The following MYT1 variants were observed in gnomAD, a reference collection of about 807,000 sequenced individuals.
The protein encoded by MYT1 is myelin transcription factor I.
MYT1 carries 23 observed loss-of-function variants against 123.0 expected under a neutral mutation model. The ratio of observed to expected loss-of-function variants is 0.19; its 90% CI spans 0.13 to 0.26. MYT1 has a LOEUF of 0.26. Ranked by LOEUF, MYT1 falls within the 10% of genes least tolerant of loss-of-function variation. The pLI, the probability that MYT1 is intolerant of heterozygous loss-of-function variation, is 1.00. For missense variants in MYT1, 1,125 were observed against 1,472.5 expected, an observed-to-expected ratio of 0.76 and a Z score of 3.86; for synonymous variants, 518 against 575.3, an observed-to-expected ratio of 0.90 and a Z score of 1.43.
At position 64,241,502 on chromosome 20, in the gene MYT1, G is replaced by A. The variant is rs975124154; in HGVS notation, c.*1054G>A. 2.0e-5 allele frequency: 3 copies of A among 152,488 alleles called. No homozygotes were observed. In the East Asian group the frequency reaches 5.8e-4, roughly 29 times the overall value. The allele number at this position is 152,488 out of a possible 1,614,324, so 9.4% of individuals were successfully genotyped here. ...GTTAGTATTTAAAAATAGAGAAATT[G>A]CACTTCCTGGAAAAAATTAAAAAGT... On this transcript the variant is annotated 3_prime_UTR_variant, in exon 23 of 23. Transcript: ENST00000328439. This position sits in a 1 kb window ranked among gnomAD's most constrained non-coding sequence, Gnocchi z 4.2.
At chr20:64,230,259 T>G (rs937290167) in intron 18 of MYT1, among the ~76,000 whole-genome samples, 4 of 152,180 alleles carry the variant, frequency 2.6e-5, no homozygotes, top group Non-Finnish European at 5.9e-5. Context: ...ATGCCTGTAA[T>G]CCCAGCACTT....
intron 17 of MYT1, 59 bp from the exon 18 acceptor site, chr20:64,227,829 G>A (rs1485901660): frequency 1.1e-5 from 14 of 1,302,624 alleles, no homozygotes; most frequent in Middle Eastern, 2.1e-4. Flanking sequence ...TGAGATGAAC[G>A]GGTGTGAGAA....
At position 64,219,895 on chromosome 20, in the gene MYT1, G is replaced by GTCCAGCCAGGCC. The variant is rs1283070999; in HGVS notation, c.2158_2169dup (p.Ser720_Ser723dup). ...CCAGCAGCTCCATGACCTCTCCCCAGTCCAGCCAGGCCTCCCGCCAGGACG... is the reference window on the plus strand; with the variant it reads ...CCAGCAGCTCCATGACCTCTCCCCAGTCCAGCCAGGCCTCCAGCCAGGCCTCCCGCCAGGACG... On this transcript the variant is annotated inframe_insertion, in exon 13 of 23. Transcript: ENST00000328439. 6.3e-7 allele frequency: 1 copy of GTCCAGCCAGGCC among 1,575,690 alleles called. No homozygotes were observed. The highest frequency in any genetic ancestry group is 8.6e-7 in the Non-Finnish European group (1 of 1,161,096).
At chr20:64,228,078 G>A (rs1601722736) in intron 18 of MYT1, 107 bp downstream of exon 18, 1 of 1,094,232 alleles carries the variant, frequency 9.1e-7, no homozygotes, top group South Asian at 1.4e-5. Flanking sequence ...TTAATACAAC[G>A]GGTCACCTAA....
Position 64,232,064 on chromosome 20 carries a change from G to T in MYT1, c.2676-100G>T. 7 of 1,226,730 alleles carry T rather than the reference G, an allele frequency of 5.7e-6. No homozygotes were observed. Among genetic ancestry groups the T allele is most frequent in the Non-Finnish European group, 8.1e-6 (7 of 859,850 alleles). The allele number at this position is 1,226,730 out of a possible 1,614,324, so 76.0% of individuals were successfully genotyped here. A position where few individuals can be genotyped will look rare whatever the true frequency, so the allele number is the denominator to read the frequency against. ...TGCCTCACTCAGAAGCCCTTTAACG[G>T]CTCTGAGTTGGGCTCCCCTTGTGTC... On this transcript the variant is annotated intron_variant, in intron 18 of 22. Coordinates refer to ENST00000328439, the MANE Select transcript of MYT1 (RefSeq NM_004535.3). The surrounding 1 kb of genome is among the most constrained non-coding windows in gnomAD (Gnocchi z 6.9).
At chr20:64,194,905 AT>A (rs1014869703) in intron 2 of MYT1, among the ~76,000 whole-genome samples, 2 of 151,550 alleles carry the variant, frequency 1.3e-5, no homozygotes, top group Non-Finnish European at 2.9e-5. Flanking sequence ...TTCATTTTTT[AT>A]TTTTTTTGAG....
chr20:64,196,645 C>T lies in MYT1; in HGVS notation c.1-2217C>T, dbSNP rs1244853876. 2.6e-5 allele frequency among the ~76,000 whole-genome samples: 4 copies of T among 152,190 alleles called. No individual in the cohort carries two copies. The highest frequency in any genetic ancestry group is 1.3e-4 in the Admixed American group (2 of 15,284). On this transcript the variant is annotated intron_variant, in intron 2 of 22. Transcript: ENST00000328439. The surrounding 1 kb of genome is among the most constrained non-coding windows in gnomAD (Gnocchi z 4.3). ...GCTACACGCTCCTAAGAGAACTTCT[C>T]GCTTATTGACCAGTCAATGCAGATA...
At chr20:64,211,486 C>T (rs778193172) in intron 8 of MYT1, 146 bp downstream of exon 8, 29 of 849,132 alleles carry the variant, frequency 3.4e-5, no homozygotes, top group Non-Finnish European at 4.5e-5. Flanking sequence ...TTACATCTCC[C>T]CGCTTTCCCC....
rs1462408726 is a variant in MYT1 at position 64,212,468 on chromosome 20, G to C, written c.1517+330G>C. ...TTGTGAGGGCAGAGTGGCAACTGGA[G>C]GTGCAGTCACCCAGTGGTGTTGCTG... On this transcript the variant is annotated intron_variant, in intron 9 of 22. Coordinates refer to ENST00000328439, the MANE Select transcript of MYT1 (RefSeq NM_004535.3). This position sits in a 1 kb window ranked among gnomAD's most constrained non-coding sequence, Gnocchi z 6.8. Among the ~76,000 whole-genome samples the C allele has an allele frequency of 6.6e-6, 1 of 152,228 alleles. No individual in the cohort carries two copies. Among genetic ancestry groups the C allele is most frequent in the Non-Finnish European group, 1.5e-5 (1 of 68,022 alleles).
rs1982963886 is a variant in MYT1 at position 64,191,331 on chromosome 20, T to G, written c.-1+1171T>G. On this transcript the variant is annotated intron_variant, in intron 2 of 22. Transcript: ENST00000328439. This position sits in a 1 kb window ranked among gnomAD's most constrained non-coding sequence, Gnocchi z 4.1. Reference sequence around the variant, plus strand: ...CCACTGTTCTCCACCACCAACCCTCTAATTCTAGAACTTCCCACCAATACT... The same window carrying G: ...CCACTGTTCTCCACCACCAACCCTCGAATTCTAGAACTTCCCACCAATACT... 6.6e-6 allele frequency among the ~76,000 whole-genome samples: 1 copy of G among 152,194 alleles called. No individual in the cohort carries two copies. The highest frequency in any genetic ancestry group is 1.5e-5 in the Non-Finnish European group (1 of 68,032).
At chr20:64,197,282 A>G (rs758310032) in intron 2 of MYT1, among the ~76,000 whole-genome samples, 2 of 152,172 alleles carry the variant, frequency 1.3e-5, no homozygotes, top group African/African-American at 4.8e-5. Context: ...GGGAGGTTCA[A>G]TTTGCAAATT....
Position 64,169,184 on chromosome 20 carries a change from G to A in MYT1, c.-99+4445G>A, listed in dbSNP as rs77980263. 5.0e-3 allele frequency among the ~76,000 whole-genome samples: 758 copies of A among 152,242 alleles called. 17 individuals are homozygous for A. The highest frequency in any genetic ancestry group is 0.035 in the Admixed American group (542 of 15,304). On this transcript the variant is annotated intron_variant, in intron 1 of 22. Coordinates refer to ENST00000328439, the MANE Select transcript of MYT1 (RefSeq NM_004535.3). ...GCTGACCTGTCCTGCCTGAGTGGGA[G>A]GAGAGTGGGAGTTTGGATGCTCCAT...
intron 3 of MYT1, 39 bp from the exon 4 acceptor site, chr20:64,199,853 A>T (rs1433104479): frequency 3.7e-6 from 6 of 1,610,074 alleles, no homozygotes; most frequent in Non-Finnish European, 5.1e-6. Flanking sequence ...TTAAAATCAC[A>T]ATTCCCACAT....
chr20:64,239,233 C>A (rs1277087323), intron 21 of MYT1, among the ~76,000 whole-genome samples: 1 of 152,168 alleles, frequency 6.6e-6, no homozygotes, highest in Non-Finnish European at 1.5e-5. Context: ...GCTTGGGAGG[C>A]CCTGAGGAGG....
chr20:64,177,474 A>C (rs939718916), intron 1 of MYT1, among the ~76,000 whole-genome samples: 2 of 150,684 alleles, frequency 1.3e-5, no homozygotes, highest in Admixed American at 1.3e-4. Flanking sequence ...CAGATGCCCC[A>C]AACCCCGGAG....
rs1982131051 is a variant in MYT1 at position 64,167,923 on chromosome 20, C to T, written c.-99+3184C>T. Reference sequence around the variant, plus strand: ...TCAGACCGAGAAACGCCGTGTTTCCCAGAAGGGAAGAGAGCAGTGGCTGCC... The same window carrying T: ...TCAGACCGAGAAACGCCGTGTTTCCTAGAAGGGAAGAGAGCAGTGGCTGCC... On this transcript the variant is annotated intron_variant, in intron 1 of 22. Coordinates refer to ENST00000328439, the MANE Select transcript of MYT1 (RefSeq NM_004535.3). The surrounding 1 kb of genome is among the most constrained non-coding windows in gnomAD (Gnocchi z 6.3). 6.6e-6 allele frequency among the ~76,000 whole-genome samples: 1 copy of T among 152,210 alleles called. No individual in the cohort carries two copies. Among genetic ancestry groups the T allele is most frequent in the South Asian group, 2.1e-4 (1 of 4,826 alleles).
rs1982126545 is a variant in MYT1 at position 64,167,752 on chromosome 20, C to T, written c.-99+3013C>T. On this transcript the variant is annotated intron_variant, in intron 1 of 22. Transcript: ENST00000328439. This position sits in a 1 kb window ranked among gnomAD's most constrained non-coding sequence, Gnocchi z 6.3. ...TCTTCCTCTCTCCCATCTTCCTCAT[C>T]TTAGATCCTCCCCCTCTGCATTTTC... Among the ~76,000 whole-genome samples the T allele has an allele frequency of 6.6e-6, 1 of 152,212 alleles. No homozygotes were observed. Among genetic ancestry groups the T allele is most frequent in the Non-Finnish European group, 1.5e-5 (1 of 68,050 alleles).
rs754571829 is a variant in MYT1 at position 64,212,187 on chromosome 20, G to A, written c.1517+49G>A. ...AGTGGGGGCCAGGGTGGGGGCCGTGGTGGGGGCCAGGGTGGGGGCCGTGGT... is the reference window on the plus strand; with the variant it reads ...AGTGGGGGCCAGGGTGGGGGCCGTGATGGGGGCCAGGGTGGGGGCCGTGGT... On this transcript the variant is annotated intron_variant, in intron 9 of 22. Transcript: ENST00000328439. This position sits in a 1 kb window ranked among gnomAD's most constrained non-coding sequence, Gnocchi z 6.8. 4 of 582,650 alleles carry A rather than the reference G, an allele frequency of 6.9e-6. 1 individual carries two copies. In the East Asian group the frequency reaches 8.9e-5, roughly 13 times the overall value. The allele number at this position is 582,650 out of a possible 1,614,324, so 36.1% of individuals were successfully genotyped here. A position where few individuals can be genotyped will look rare whatever the true frequency, so the allele number is the denominator to read the frequency against.
chr20:64,198,760 G>C, intron 2 of MYT1, 102 bp from the exon 3 acceptor site: 1 of 1,312,998 alleles, frequency 7.6e-7, no homozygotes, highest in Non-Finnish European at 1.1e-6. Context: ...CACCTTTGCT[G>C]TCAAAGCTTG....
Sources: allele counts gnomAD v4.1 joint callset (sites outside exome capture counted in the v4.1 genomes callset), GRCh38; gene constraint gnomAD v4.1.1; non-coding constraint Gnocchi (gnomAD v3.1); transcripts MANE v1.5; gene names NCBI Gene and HGNC (gene_info 2026-07-23, HGNC 2026-07-21).